SOX5: variants seen among roughly 807,000 people sequenced by gnomAD.
SOX5 encodes the protein SRY-box transcription factor 5.
A neutral mutation model predicts 92.0 loss-of-function variants in SOX5; 9 were observed. The observed-to-expected ratio is 0.10, with a 90% confidence interval of 0.06 to 0.17. SOX5 has a LOEUF of 0.17. SOX5 is among the 10% of genes least tolerant of loss of function. The pLI, the probability that SOX5 is intolerant of heterozygous loss-of-function variation, is 1.00. For missense variants in SOX5, 642 were observed against 944.5 expected, an observed-to-expected ratio of 0.68 and a Z score of 4.20; for synonymous variants, 344 against 336.3, an observed-to-expected ratio of 1.02 and a Z score of -0.25.
At chr12:24,098,400 T>TAC (rs1329869605) in intron 4 of SOX5, among the ~76,000 whole-genome samples, 2 of 152,098 alleles carry the variant, frequency 1.3e-5, no homozygotes, top group Admixed American at 6.6e-5. Context: ...AGTATGCACA[T>TAC]ACACACACAC....
intron 4 of SOX5, among the ~76,000 whole-genome samples, chr12:24,109,489 T>A (rs1565454343): frequency 6.6e-6 from 1 of 152,124 alleles, no homozygotes; most frequent in Non-Finnish European, 1.5e-5. Flanking sequence ...CCACTTGGAG[T>A]TCCTTTATTA....
chr12:24,522,653 C>T (rs1950362605), intron 1 of SOX5, among the ~76,000 whole-genome samples: 1 of 152,032 alleles, frequency 6.6e-6, no homozygotes, highest in Non-Finnish European at 1.5e-5. Flanking sequence ...ACACACATTG[C>T]AGAATGAATA....
rs985819013 is a variant in SOX5 at position 23,656,858 on chromosome 12, G to T, written c.931+8586C>A. 4.6e-5 allele frequency among the ~76,000 whole-genome samples: 7 copies of T among 151,906 alleles called. No homozygotes were observed. The East Asian group carries it at 1.3e-3, about 29-fold the overall frequency. On this transcript the variant is annotated intron_variant, in intron 7 of 14. Coordinates refer to ENST00000451604, the MANE Select transcript of SOX5 (RefSeq NM_006940.6). ...TTAATGGTAGTTACACCTGGGTAGT[G>T]GGATTATAGGAGTATGTGAGTGAAG...
intron 3 of SOX5, among the ~76,000 whole-genome samples, chr12:24,266,812 T>C (rs531674665): frequency 1.3e-5 from 2 of 152,334 alleles, no homozygotes; most frequent in South Asian, 4.1e-4. Context: ...GCCAGTCTTA[T>C]CATTTAAGAT....
chr12:23,936,592 C>A (rs1595769199), intron 1 of SOX5, among the ~76,000 whole-genome samples: 1 of 150,718 alleles, frequency 6.6e-6, no homozygotes, highest in African/African-American at 2.4e-5. Flanking sequence ...AGCTATGAAC[C>A]ACTAGAATCT....
chr12:23,985,624 G>T (rs1949993143), intron 4 of SOX5, among the ~76,000 whole-genome samples: 1 of 151,510 alleles, frequency 6.6e-6, no homozygotes, highest in Non-Finnish European at 1.5e-5. Context: ...GATACACATA[G>T]AAACATATCT....
intron 3 of SOX5, among the ~76,000 whole-genome samples, chr12:23,814,793 A>G (rs2095953517): frequency 1.3e-5 from 2 of 152,242 alleles, no homozygotes; most frequent in Admixed American, 6.5e-5. Context: ...GCATTTTAAT[A>G]TATAGGAAAA....
intron 4 of SOX5, among the ~76,000 whole-genome samples, chr12:23,960,532 T>TATATATATAC (rs1555451987): frequency 3.5e-4 from 11 of 31,518 alleles, no homozygotes; most frequent in East Asian, 1.8e-3. Flanking sequence ...TATATATACA[T>TATATATATAC]ATATATATAT....
chr12:23,920,953 A>C (rs951748649), intron 1 of SOX5, among the ~76,000 whole-genome samples: 5 of 152,228 alleles, frequency 3.3e-5, no homozygotes, highest in Admixed American at 6.5e-5. Flanking sequence ...TTACACTATA[A>C]ACTTTATGAG....
intron 3 of SOX5, among the ~76,000 whole-genome samples, chr12:23,802,618 C>G (rs1033361112): frequency 6.6e-6 from 1 of 151,856 alleles, no homozygotes; most frequent in Non-Finnish European, 1.5e-5. Flanking sequence ...AATTGTGACA[C>G]CCTCTAAAAA....
chr12:24,105,498 G>A (rs1295176026), intron 4 of SOX5, among the ~76,000 whole-genome samples: 1 of 152,070 alleles, frequency 6.6e-6, no homozygotes, highest in African/African-American at 2.4e-5. Flanking sequence ...CCGAGATCAT[G>A]CCACTGCACT....
In SOX5 at chr12:24,393,494, C is replaced by A. The variant is rs182010231; in HGVS notation, c.-250-24855G>T. ...TCATCTGTACTGAGTCTACCACCCA[C>A]CCCAAAATAAGTAGGTATCTGAATA... is the stretch of plus-strand genomic sequence containing the variant. On this transcript the variant is annotated intron_variant, in intron 1 of 4. Coordinates refer to the SOX5 transcript ENST00000446891. This position sits in a 1 kb window ranked among gnomAD's most constrained non-coding sequence, Gnocchi z 5.0. Among the ~76,000 whole-genome samples, 1 of 152,238 alleles carries A rather than the reference C, an allele frequency of 6.6e-6. No homozygotes were observed. The highest frequency in any genetic ancestry group is 2.4e-5 in the African/African-American group (1 of 41,524).
rs79055479 is a variant in SOX5 at position 24,501,393 on chromosome 12, T to A, written c.-251+60936A>T. On this transcript the variant is annotated intron_variant, in intron 1 of 4. Transcript: ENST00000446891. ...ATCCAGTGCAAAAAAAAAAAAAAAA[T>A]ATGTACAAGCTCTATCTTCCCATAC... Among the ~76,000 whole-genome samples the A allele has an allele frequency of 5.5e-4, 82 of 149,390 alleles. 1 individual carries two copies. The East Asian group carries it at 0.014, about 26-fold the overall frequency.
chr12:23,947,690 T>C (rs769583041), intron 1 of SOX5, among the ~76,000 whole-genome samples: 73 of 150,374 alleles, frequency 4.9e-4, no homozygotes, highest in Non-Finnish European at 6.1e-4. Context: ...TAGAAAAGCA[T>C]GCCTCTGGGT....
At chr12:24,170,454 C>A (rs1423212131) in intron 4 of SOX5, among the ~76,000 whole-genome samples, 1 of 152,102 alleles carries the variant, frequency 6.6e-6, no homozygotes, top group African/African-American at 2.4e-5. Flanking sequence ...ATAAGGAAAA[C>A]CTGATTTTAC....
At chr12:23,987,652 G>T (rs1950180488) in intron 4 of SOX5, among the ~76,000 whole-genome samples, 1 of 152,150 alleles carries the variant, frequency 6.6e-6, no homozygotes, top group African/African-American at 2.4e-5. Flanking sequence ...AATTAGCCAG[G>T]CATGGTGCTG....
intron 2 of SOX5, among the ~76,000 whole-genome samples, chr12:24,327,374 A>G (rs1385394061): frequency 7.4e-6 from 1 of 135,952 alleles, no homozygotes; most frequent in Non-Finnish European, 1.5e-5. Context: ...GAAGGGCTAG[A>G]GCAATGGAGA....
intron 2 of SOX5, among the ~76,000 whole-genome samples, chr12:24,304,644 C>G (rs1181886188): frequency 6.6e-6 from 1 of 152,118 alleles, no homozygotes; most frequent in African/African-American, 2.4e-5. Flanking sequence ...TAGCTCAAAT[C>G]ACTCTCCTGA....
chr12:23,635,920 A>G (rs1322608443), intron 8 of SOX5, among the ~76,000 whole-genome samples: 3 of 152,096 alleles, frequency 2.0e-5, no homozygotes, highest in African/African-American at 7.2e-5. Flanking sequence ...AGAGGGAGGA[A>G]GAGAAGCTAA....
Sources: allele counts gnomAD v4.1 joint callset (sites outside exome capture counted in the v4.1 genomes callset), GRCh38; gene constraint gnomAD v4.1.1; non-coding constraint Gnocchi (gnomAD v3.1); transcripts MANE v1.5; gene names NCBI Gene and HGNC (gene_info 2026-07-23, HGNC 2026-07-21).